Variants in MEF2C observed in about 807,000 individuals in gnomAD.
MEF2C encodes myocyte-specific enhancer factor 2C.
MEF2C carries 6 observed loss-of-function variants against 50.5 expected under a neutral mutation model. That is an observed-to-expected ratio of 0.12 (90% CI 0.07 to 0.23). The LOEUF (loss-of-function observed/expected upper bound fraction) is 0.23. MEF2C is among the 10% of genes least tolerant of loss of function. The pLI is 1.00. For synonymous variants in MEF2C, 183 were observed against 228.0 expected, an observed-to-expected ratio of 0.80 and a Z score of 1.78; for missense variants, 276 against 605.0, an observed-to-expected ratio of 0.46 and a Z score of 5.70.
At chr5:88,874,711 T>A (rs576995219) in intron 1 of MEF2C, among the ~76,000 whole-genome samples, 1 of 152,054 alleles carries the variant, frequency 6.6e-6, no homozygotes, top group South Asian at 2.1e-4. Context: ...TCAAGAGAAA[T>A]AAAATTAAAT....
At chr5:88,848,326 G>A (rs1008175803) in intron 1 of MEF2C, among the ~76,000 whole-genome samples, 2 of 152,070 alleles carry the variant, frequency 1.3e-5, no homozygotes, top group African/African-American at 4.8e-5. Context: ...CCAGAAAAAT[G>A]GTTGAATGGC....
In MEF2C at chr5:88,812,223, G is replaced by A. The variant is rs183191091; in HGVS notation, c.55-7422C>T. On this transcript the variant is annotated intron_variant, in intron 2 of 10. Coordinates refer to ENST00000504921, the MANE Select transcript of MEF2C (RefSeq NM_002397.5). The stretch of plus-strand genomic sequence containing the variant: ...TATCCTAGTTTTTCTCGAGTACCTG[G>A]GCCATCTTTTGCTCATTCTTGTAAC... Among the ~76,000 whole-genome samples the A allele has an allele frequency of 7.5e-4, 114 of 152,028 alleles. 2 individuals are homozygous for A. Among genetic ancestry groups the A allele is most frequent in the Admixed American group, 4.8e-3 (74 of 15,268 alleles).
chr5:88,823,619 A>T, intron 2 of MEF2C, 116 bp downstream of exon 2: 1 of 965,892 alleles, frequency 1.0e-6, no homozygotes, highest in Non-Finnish European at 1.5e-6. Context: ...ACATTTAATT[A>T]ACCCAAACTT....
chr5:88,837,811 G>A (rs755114677), intron 1 of MEF2C, among the ~76,000 whole-genome samples: 1 of 152,074 alleles, frequency 6.6e-6, no homozygotes, highest in Non-Finnish European at 1.5e-5. Flanking sequence ...TAAGACTAAG[G>A]TTTCATTATG....
chr5:88,884,069 C>T (rs1161428166), upstream of MEF2C, among the ~76,000 whole-genome samples: 1 of 152,232 alleles, frequency 6.6e-6, no homozygotes, highest in Non-Finnish European at 1.5e-5. Context: ...GACAACACGG[C>T]GAGCTGCGGC....
intron 3 of MEF2C, among the ~76,000 whole-genome samples, chr5:88,790,713 C>A (rs566345381): frequency 6.6e-6 from 1 of 152,020 alleles, no homozygotes; most frequent in African/African-American, 2.4e-5. Flanking sequence ...CACATCGGAT[C>A]TCACCAAAGA....
At chr5:88,802,362 G>T (rs936459184) in intron 3 of MEF2C, among the ~76,000 whole-genome samples, 3 of 152,302 alleles carry the variant, frequency 2.0e-5, no homozygotes, top group African/African-American at 7.2e-5. Context: ...TGCTGTTTTT[G>T]TGGCATTTAA....
Position 88,719,484 on chromosome 5 carries a change from C to T in MEF2C, c.*3120G>A, listed in dbSNP as rs1474408238. 1.3e-5 allele frequency: 2 copies of T among 152,162 alleles called. No individual in the cohort carries two copies. Among genetic ancestry groups the T allele is most frequent in the Non-Finnish European group, 2.9e-5 (2 of 68,032 alleles). 9.4% of individuals were successfully genotyped at this position (152,162 alleles called of 1,614,324 possible). On this transcript the variant is annotated 3_prime_UTR_variant, in exon 11 of 11. Coordinates refer to ENST00000504921, the MANE Select transcript of MEF2C (RefSeq NM_002397.5). ...AAATAGGATTAGATATAACAATACT[C>T]GCAGCCGTGTAAAATGCCACTTATG...
Position 88,773,040 on chromosome 5 carries a change from G to A in MEF2C, c.259-11712C>T, listed in dbSNP as rs1783085978. On this transcript the variant is annotated intron_variant, in intron 3 of 10. Coordinates refer to ENST00000504921, the MANE Select transcript of MEF2C (RefSeq NM_002397.5). Reference sequence around the variant, plus strand: ...GAGTGCAGAGCGTCACTGGGATTGTGGGAACACAATACGTAAGTCACAGCC... The same window carrying A: ...GAGTGCAGAGCGTCACTGGGATTGTAGGAACACAATACGTAAGTCACAGCC... 5 of 496,380 alleles carry A rather than the reference G, an allele frequency of 1.0e-5. No homozygotes were observed. The South Asian group carries it at 4.3e-4, about 43-fold the overall frequency. The allele number at this position is 496,380 out of a possible 1,614,324, so 30.7% of individuals were successfully genotyped here. A position where few individuals can be genotyped will look rare whatever the true frequency, so the allele number is the denominator to read the frequency against.
chr5:88,768,444 A>G (rs2152748004), intron 3 of MEF2C, among the ~76,000 whole-genome samples: 1 of 152,286 alleles, frequency 6.6e-6, no homozygotes, highest in Admixed American at 6.5e-5. Flanking sequence ...CTGCTACTAT[A>G]TGTCAGGTGC....
At chr5:88,737,118 G>A (rs1764457581) in intron 6 of MEF2C, 1 of 985,120 alleles carries the variant, frequency 1.0e-6, no homozygotes, top group Non-Finnish European at 1.2e-6. Flanking sequence ...GCACTAAAAG[G>A]TAAGTTATTG....
At chr5:88,872,525 A>G (rs188872121) in intron 1 of MEF2C, among the ~76,000 whole-genome samples, 1 of 152,188 alleles carries the variant, frequency 6.6e-6, no homozygotes, top group Admixed American at 6.5e-5. Flanking sequence ...TAATGGACTG[A>G]AAGTATTATT....
chr5:88,895,054 G>A (rs1445249952), intron 1 of MEF2C, among the ~76,000 whole-genome samples: 3 of 152,072 alleles, frequency 2.0e-5, no homozygotes, highest in Non-Finnish European at 1.5e-5. Context: ...TTAGTGCCTC[G>A]CATATAGAAA....
chr5:88,841,800 G>A (rs1817489596), intron 1 of MEF2C, among the ~76,000 whole-genome samples: 1 of 152,132 alleles, frequency 6.6e-6, no homozygotes, highest in East Asian at 1.9e-4. Flanking sequence ...TATGTAATAT[G>A]TCAGGGAATA....
chr5:88,865,576 C>G (rs1388075798), intron 1 of MEF2C, among the ~76,000 whole-genome samples: 3 of 152,148 alleles, frequency 2.0e-5, no homozygotes, highest in African/African-American at 7.2e-5. Context: ...ATATTTACAA[C>G]TCAAATGGAT....
intron 3 of MEF2C, among the ~76,000 whole-genome samples, chr5:88,781,634 G>C (rs1788079256): frequency 6.6e-6 from 1 of 152,114 alleles, no homozygotes; most frequent in South Asian, 2.1e-4. Context: ...ATATTTGGCA[G>C]TATTGTATTC....
intron 1 of MEF2C, among the ~76,000 whole-genome samples, chr5:88,841,237 C>T (rs1817234998): frequency 6.6e-6 from 1 of 152,146 alleles, no homozygotes; most frequent in Non-Finnish European, 1.5e-5. Context: ...GGGCCGGGCA[C>T]TGTGGCTCAC....
chr5:88,894,481 T>A (rs1264710514), intron 1 of MEF2C, among the ~76,000 whole-genome samples: 1 of 152,242 alleles, frequency 6.6e-6, no homozygotes, highest in Non-Finnish European at 1.5e-5. Flanking sequence ...TAATGTTGTC[T>A]TTGCTCAAGT....
chr5:88,779,152 A>G (rs369058085), intron 3 of MEF2C, among the ~76,000 whole-genome samples: 3 of 152,270 alleles, frequency 2.0e-5, no homozygotes, highest in East Asian at 3.8e-4. Flanking sequence ...TGAATAAATA[A>G]TATTAACCAC....
Sources: allele counts gnomAD v4.1 joint callset (sites outside exome capture counted in the v4.1 genomes callset), GRCh38; gene constraint gnomAD v4.1.1; transcripts MANE v1.5; gene names NCBI Gene and HGNC (gene_info 2026-07-23, HGNC 2026-07-21).